CCDC91: variants seen among roughly 807,000 people sequenced by gnomAD.
The protein encoded by CCDC91 is coiled-coil domain containing 91, also known as coiled-coil domain-containing protein 91.
In CCDC91, 48 loss-of-function variants were observed where a neutral mutation model predicts 63.2. The ratio of observed to expected loss-of-function variants is 0.76; its 90% CI spans 0.60 to 0.97. The LOEUF is 0.97. Among genes scored for constraint, CCDC91 ranks in the 50% least tolerant of loss-of-function variants. CCDC91 has a pLI of 0.00. For synonymous variants in CCDC91, 167 were observed against 165.8 expected, an observed-to-expected ratio of 1.01 and a Z score of -0.06; for missense variants, 500 against 494.6, an observed-to-expected ratio of 1.01 and a Z score of -0.10.
chr12:28,295,129 T>C (rs1949484442), intron 3 of CCDC91, among the ~76,000 whole-genome samples: 1 of 152,146 alleles, frequency 6.6e-6, no homozygotes, highest in Non-Finnish European at 1.5e-5. Flanking sequence ...TCTGCACCTT[T>C]AGAAAAAAAG....
intron 11 of CCDC91, among the ~76,000 whole-genome samples, chr12:28,465,244 C>T (rs1292197944): frequency 6.6e-6 from 1 of 152,150 alleles, no homozygotes; most frequent in Admixed American, 6.5e-5. Flanking sequence ...GTCTTTGGCT[C>T]CTGGACAGCA....
intron 1 of CCDC91, among the ~76,000 whole-genome samples, chr12:28,200,977 A>G (rs1226272582): frequency 7.8e-6 from 1 of 128,182 alleles, no homozygotes. Context: ...TCCCTCCCGG[A>G]CGGGGCGGCT....
intron 6 of CCDC91, among the ~76,000 whole-genome samples, chr12:28,329,032 T>A (rs532691337): frequency 6.6e-6 from 1 of 152,224 alleles, no homozygotes; most frequent in Non-Finnish European, 1.5e-5. Flanking sequence ...CCTCATAAAA[T>A]GTGTCTTTCA....
At chr12:28,311,936 C>G (rs1939372061) in intron 6 of CCDC91, among the ~76,000 whole-genome samples, 1 of 152,000 alleles carries the variant, frequency 6.6e-6, no homozygotes, top group Non-Finnish European at 1.5e-5. Context: ...ACTGCTTTGT[C>G]ATTCCTTGGA....
intron 6 of CCDC91, among the ~76,000 whole-genome samples, chr12:28,324,395 C>A (rs528982501): frequency 6.6e-6 from 1 of 151,930 alleles, no homozygotes; most frequent in East Asian, 1.9e-4. Flanking sequence ...GGGCAAATAA[C>A]CTTTATGTGC....
At chr12:28,524,646 T>C (rs1365155932) in intron 12 of CCDC91, among the ~76,000 whole-genome samples, 1 of 152,182 alleles carries the variant, frequency 6.6e-6, no homozygotes, top group Non-Finnish European at 1.5e-5. Context: ...CCTCTTTTTC[T>C]GTCTTGTAGA....
At chr12:28,354,291 C>T (rs1480078908) in intron 6 of CCDC91, among the ~76,000 whole-genome samples, 4 of 152,128 alleles carry the variant, frequency 2.6e-5, no homozygotes, top group African/African-American at 9.7e-5. Flanking sequence ...ACTCTATCCT[C>T]TACTTCTTTC....
At position 28,527,625 on chromosome 12, in the gene CCDC91, G is replaced by T. The variant is rs369204521; in HGVS notation, c.1216-21438G>T. Among the ~76,000 whole-genome samples, 50 of 152,186 alleles carry T rather than the reference G, an allele frequency of 3.3e-4. No individual in the cohort carries two copies. In the South Asian group the frequency reaches 7.7e-3, roughly 23 times the overall value. ...AGAGAGCATCAGCTATGGGAGTATG[G>T]GGGGGGAACATTTGGTAGGTGGGGC... is the stretch of plus-strand genomic sequence containing the variant. On this transcript the variant is annotated intron_variant, in intron 12 of 12. Coordinates refer to ENST00000536442, the MANE Select transcript of CCDC91 (RefSeq NM_018318.5).
rs536413664 is a variant in CCDC91, at chr12:28,499,949, A to G, written c.1215+15784A>G. On this transcript the variant is annotated intron_variant, in intron 12 of 12. Coordinates refer to ENST00000536442, the MANE Select transcript of CCDC91 (RefSeq NM_018318.5). ...TCTTCCACAATGGTTGAACTAATTTATACTACCACCAACAGTGTAAAAGCG... is the reference window on the plus strand; with the variant it reads ...TCTTCCACAATGGTTGAACTAATTTGTACTACCACCAACAGTGTAAAAGCG... Among the ~76,000 whole-genome samples the G allele has an allele frequency of 5.9e-5, 9 of 152,232 alleles. No individual in the cohort carries two copies. The South Asian group carries it at 1.5e-3, about 25-fold the overall frequency.
Position 28,391,295 on chromosome 12 carries a change from T to C in CCDC91, c.655-9T>C. 2 of 1,583,444 alleles carry C rather than the reference T, an allele frequency of 1.3e-6. No individual in the cohort carries two copies. The highest frequency in any genetic ancestry group is 1.7e-6 in the Non-Finnish European group (2 of 1,155,796). On this transcript the variant is annotated splice_polypyrimidine_tract_variant and intron_variant, in intron 7 of 12. Coordinates refer to ENST00000536442, the MANE Select transcript of CCDC91 (RefSeq NM_018318.5). Reference sequence around the variant, plus strand: ...CTGTGATCCAAATGACTTTTTTGCTTGTTTTCAGGCACTACTGCAGTCTTC... The same window carrying C: ...CTGTGATCCAAATGACTTTTTTGCTCGTTTTCAGGCACTACTGCAGTCTTC...
chr12:28,366,790 A>C (rs1418202796), intron 7 of CCDC91, among the ~76,000 whole-genome samples: 1 of 152,026 alleles, frequency 6.6e-6, no homozygotes. Context: ...GTTTCAGTGG[A>C]TGGTTTGTGG....
chr12:28,319,350 T>TG (rs1940241155), intron 6 of CCDC91: 1 of 151,976 alleles, frequency 6.6e-6, no homozygotes, highest in East Asian at 1.9e-4. Context: ...TAAGTTTAGG[T>TG]GCTTAGATTC....
At chr12:28,450,105 T>G in intron 8 of CCDC91, 56 bp from the exon 9 acceptor site, 1 of 959,252 alleles carries the variant, frequency 1.0e-6, no homozygotes, top group Non-Finnish European at 1.6e-6. Flanking sequence ...CTACTCTCCT[T>G]GTTGACAGAT....
intron 11 of CCDC91, among the ~76,000 whole-genome samples, chr12:28,477,146 A>G (rs565452963): frequency 7.2e-5 from 11 of 152,274 alleles, no homozygotes; most frequent in Admixed American, 4.6e-4. Flanking sequence ...CCTCATTCCA[A>G]AGCCTGGCAG....
At chr12:28,507,843 G>A (rs1219493337) in intron 12 of CCDC91, among the ~76,000 whole-genome samples, 2 of 151,964 alleles carry the variant, frequency 1.3e-5, no homozygotes, top group Non-Finnish European at 2.9e-5. Flanking sequence ...CTATCGGGGT[G>A]GAGGAAGTGT....
At chr12:28,391,105 T>C (rs1364914737) in intron 7 of CCDC91, among the ~76,000 whole-genome samples, 199 bp from the exon 8 acceptor site, 4 of 152,106 alleles carry the variant, frequency 2.6e-5, no homozygotes, top group Non-Finnish European at 5.9e-5. Flanking sequence ...AAAATTGTTA[T>C]CTTGGCAATA....
At chr12:28,332,307 T>A (rs1315691444) in intron 6 of CCDC91, among the ~76,000 whole-genome samples, 1 of 152,154 alleles carries the variant, frequency 6.6e-6, no homozygotes, top group Non-Finnish European at 1.5e-5. Flanking sequence ...ACATTTAACA[T>A]CTCTTAAGCG....
At chr12:28,202,129 TTAA>T (rs77824523) in intron 1 of CCDC91, among the ~76,000 whole-genome samples, 39,589 of 152,070 alleles carry the variant, frequency 0.26, 5,396 homozygotes, top group Non-Finnish European at 0.31. Context: ...TATCTCTTCA[TTAA>T]TAATCTCTAT....
intron 8 of CCDC91, among the ~76,000 whole-genome samples, chr12:28,423,366 G>A (rs977589076): frequency 2.6e-5 from 4 of 152,220 alleles, no homozygotes; most frequent in African/African-American, 7.2e-5. Context: ...AGTTTCTTAT[G>A]CAGTCCTAGT....
Sources: gnomAD v4.1 joint callset for allele counts (sites outside exome capture counted in the v4.1 genomes callset) on GRCh38, gnomAD v4.1.1 for gene constraint, MANE v1.5 for transcripts, NCBI Gene and HGNC (gene_info 2026-07-23, HGNC 2026-07-21) for gene names.